The following RHOH variants were observed in gnomAD, a reference collection of about 807,000 sequenced individuals.
RHOH encodes the protein ras homolog family member H.
Under a neutral mutation model 13.8 loss-of-function variants are expected in RHOH, and 6 were observed. That is an observed-to-expected ratio of 0.44 (90% CI 0.24 to 0.86). RHOH has a LOEUF of 0.86. RHOH is among the 40% of genes least tolerant of loss of function. The probability of loss-of-function intolerance (pLI) is 0.24; values close to 1 mark genes in which losing one functional copy is unlikely to be tolerated. For synonymous variants in RHOH, 117 were observed against 103.0 expected (o/e 1.14, Z -0.82); for missense variants, 147 against 244.5 (o/e 0.60, Z 2.66).
At chr4:40,199,642 A>G (rs1038102471) in intron 1 of RHOH, among the ~76,000 whole-genome samples, 1 of 152,176 alleles carries the variant, frequency 6.6e-6, no homozygotes, top group African/African-American at 2.4e-5. Context: ...GGTGCTTTTC[A>G]TTAGAGGCAG....
chr4:40,234,695 T>TAGG (rs2109533150), intron 1 of RHOH, among the ~76,000 whole-genome samples: 1 of 151,818 alleles, frequency 6.6e-6, no homozygotes, highest in African/African-American at 2.4e-5. Flanking sequence ...AAATACTGCT[T>TAGG]AACATTTTTT....
chr4:40,211,405 A>G (rs1725256549), intron 1 of RHOH, among the ~76,000 whole-genome samples: 1 of 152,118 alleles, frequency 6.6e-6, no homozygotes, highest in Non-Finnish European at 1.5e-5. Context: ...AGCTGGGATT[A>G]CAGACGTGTA....
intron 1 of RHOH, among the ~76,000 whole-genome samples, chr4:40,233,615 T>G (rs2109526789): frequency 6.6e-6 from 1 of 152,338 alleles, no homozygotes; most frequent in East Asian, 1.9e-4. Context: ...TATTTTAGGC[T>G]TGGTTGCAAC....
chr4:40,242,581 T>G (rs1729381911), intron 1 of RHOH, 133 bp from the exon 2 acceptor site: 1 of 152,138 alleles, frequency 6.6e-6, no homozygotes, highest in South Asian at 2.1e-4. Context: ...CACAGCAAAT[T>G]TTTAGAGTTC....
At chr4:40,238,778 G>A (rs933265352) in intron 1 of RHOH, among the ~76,000 whole-genome samples, 6 of 152,160 alleles carry the variant, frequency 3.9e-5, no homozygotes, top group South Asian at 4.1e-4. Flanking sequence ...TAACTCTTCC[G>A]TACGAAGAGA....
chr4:40,229,361 C>A (rs1433514091), intron 1 of RHOH, among the ~76,000 whole-genome samples: 1 of 152,010 alleles, frequency 6.6e-6, no homozygotes, highest in African/African-American at 2.4e-5. Flanking sequence ...TGGGACCTGG[C>A]GCGGTGGCTC....
upstream of RHOH, among the ~76,000 whole-genome samples, chr4:40,195,049 G>A (rs527427271): frequency 6.6e-6 from 1 of 152,270 alleles, no homozygotes; most frequent in African/African-American, 2.4e-5. Context: ...GATATTTCCT[G>A]CTTCATACCA....
rs982836504 is a variant in RHOH at position 40,220,626 on chromosome 4, A to C, written c.-330-22088A>C. Among the ~76,000 whole-genome samples, 11 of 152,286 alleles carry C rather than the reference A, an allele frequency of 7.2e-5. No individual in the cohort carries two copies. In the East Asian group the frequency reaches 1.7e-3, roughly 24 times the overall value. On this transcript the variant is annotated intron_variant, in intron 1 of 2. Transcript: ENST00000381799. ...ACTAAGTAAAAAAAAAAATTTTTTTAACCTCTGGGCCTAGTCTAAACTACA... is the reference window on the plus strand; with the variant it reads ...ACTAAGTAAAAAAAAAAATTTTTTTCACCTCTGGGCCTAGTCTAAACTACA...
upstream of RHOH, among the ~76,000 whole-genome samples, chr4:40,192,068 A>G (rs1722728623): frequency 1.3e-5 from 2 of 152,198 alleles, no homozygotes; most frequent in Non-Finnish European, 2.9e-5. Flanking sequence ...TTTTTACACT[A>G]AAAGTTACAT....
At chr4:40,203,709 T>TA (rs1468044847) in intron 1 of RHOH, among the ~76,000 whole-genome samples, 6 of 152,268 alleles carry the variant, frequency 3.9e-5, no homozygotes, top group African/African-American at 7.2e-5. Context: ...AAGCTGTACT[T>TA]ACGATATTCC....
intron 1 of RHOH, among the ~76,000 whole-genome samples, chr4:40,221,638 C>T (rs551960518): frequency 2.6e-5 from 4 of 152,240 alleles, no homozygotes; most frequent in South Asian, 2.1e-4. Context: ...CTGACTGCTC[C>T]GGCTGTTCCC....
intron 1 of RHOH, among the ~76,000 whole-genome samples, chr4:40,222,892 G>A (rs1456436570): frequency 1.3e-5 from 2 of 152,198 alleles, no homozygotes; most frequent in Admixed American, 6.5e-5. Context: ...CATGGCAGAA[G>A]GTCAAAATAG....
chr4:40,235,156 TA>T (rs1309455747), intron 1 of RHOH: 1 of 152,236 alleles, frequency 6.6e-6, no homozygotes, highest in East Asian at 1.9e-4. Flanking sequence ...ACCTTATTTT[TA>T]AAAATGCTTT....
At chr4:40,235,564 T>C (rs1579326398) in intron 1 of RHOH, among the ~76,000 whole-genome samples, 1 of 112,948 alleles carries the variant, frequency 8.9e-6, no homozygotes, top group Admixed American at 1.3e-4. Context: ...CATTCCAGCC[T>C]GGGCAAAAAG....
chr4:40,239,966 A>G (rs1045931054), intron 1 of RHOH, among the ~76,000 whole-genome samples: 4 of 152,212 alleles, frequency 2.6e-5, no homozygotes, highest in African/African-American at 4.8e-5. Context: ...ATATTATTAC[A>G]TTGATTTTAC....
At chr4:40,196,659 C>A (rs927021168), upstream of RHOH, among the ~76,000 whole-genome samples, 7 of 149,710 alleles carry the variant, frequency 4.7e-5, no homozygotes, top group African/African-American at 1.5e-4. Flanking sequence ...GTTTCCTAAG[C>A]TCAAATTAAC....
At chr4:40,205,526 C>T (rs1030537692) in intron 1 of RHOH, among the ~76,000 whole-genome samples, 3 of 152,222 alleles carry the variant, frequency 2.0e-5, no homozygotes, top group Non-Finnish European at 4.4e-5. Context: ...GCCTTTTGAT[C>T]ACAGAAGCCC....
At chr4:40,212,613 T>A (rs1725396971) in intron 1 of RHOH, 1 of 152,236 alleles carries the variant, frequency 6.6e-6, no homozygotes, top group Non-Finnish European at 1.5e-5. Flanking sequence ...TGGGACTGGA[T>A]GCACATTTGT....
chr4:40,218,784 A>G lies in RHOH; in HGVS notation c.-331+21484A>G, dbSNP rs1690884659. On this transcript the variant is annotated intron_variant, in intron 1 of 2. Transcript: ENST00000381799. The surrounding 1 kb of genome is among the most constrained non-coding windows in gnomAD (Gnocchi z 4.1). ...TTTGCGGATGAAAAAACAGGTTTGG[A>G]GTGGCTAAATGGCGTAAGCAAGGTC... 6.6e-6 allele frequency among the ~76,000 whole-genome samples: 1 copy of G among 152,140 alleles called. No homozygotes were observed. Among genetic ancestry groups the G allele is most frequent in the South Asian group, 2.1e-4 (1 of 4,828 alleles).
Sources: allele counts gnomAD v4.1 joint callset (sites outside exome capture counted in the v4.1 genomes callset), GRCh38; gene constraint gnomAD v4.1.1; non-coding constraint Gnocchi (gnomAD v3.1); transcripts MANE v1.5; gene names NCBI Gene and HGNC (gene_info 2026-07-23, HGNC 2026-07-21).